Variants in SNX29 observed in about 807,000 individuals in gnomAD.
SNX29 encodes sorting nexin-29.
Under a neutral mutation model 102.1 loss-of-function variants are expected in SNX29, and 78 were observed. That is an observed-to-expected ratio of 0.76 (90% confidence interval 0.64 to 0.92). SNX29 has a LOEUF of 0.92. Among genes scored for constraint, SNX29 ranks in the 40% least tolerant of loss-of-function variants. The pLI, the probability that SNX29 is intolerant of heterozygous loss-of-function variation, is 0.00. For missense variants in SNX29, 1,280 were observed against 1,061.7 expected, an observed-to-expected ratio of 1.21 and a Z score of -2.86; for synonymous variants, 580 against 414.5, an observed-to-expected ratio of 1.40 and a Z score of -4.85.
intron 15 of SNX29, among the ~76,000 whole-genome samples, chr16:12,304,400 G>A (rs895804394): frequency 1.3e-5 from 2 of 152,204 alleles, no homozygotes; most frequent in Non-Finnish European, 2.9e-5. Context: ...AGCCTCCTGA[G>A]TAGTTGGGAC....
chr16:12,013,500 A>AAAATATATATATATATATATATATATAT, intron 3 of SNX29, among the ~76,000 whole-genome samples: 1 of 31,634 alleles, frequency 3.2e-5, no homozygotes, highest in Non-Finnish European at 6.1e-5. Context: ...AAAAAAAAAA[A>AAAATATATATATATATATATATATATAT]ATATATATAT....
At position 12,574,157 on chromosome 16, in the gene SNX29, A is replaced by G; in HGVS notation, c.*5528A>G. 5.5e-6 allele frequency: 1 copy of G among 181,426 alleles called. No individual in the cohort carries two copies. The highest frequency in any genetic ancestry group is 1.2e-5 in the Non-Finnish European group (1 of 84,982). 11.2% of individuals were successfully genotyped at this position (181,426 alleles called of 1,614,324 possible). Reference sequence around the variant, plus strand: ...ATAGGATTTTTAAACAAATGTGTTTAATTTTTTAAGATCTCTTGTATTAAA... The same window carrying G: ...ATAGGATTTTTAAACAAATGTGTTTGATTTTTTAAGATCTCTTGTATTAAA... On this transcript the variant is annotated 3_prime_UTR_variant, in exon 21 of 21. Transcript: ENST00000566228.
chr16:12,557,667 A>C (rs547260872), intron 20 of SNX29: 1 of 152,246 alleles, frequency 6.6e-6, no homozygotes, highest in South Asian at 2.1e-4. Flanking sequence ...CAGCCCAAAA[A>C]ATCTTTTTGA....
intron 14 of SNX29, among the ~76,000 whole-genome samples, chr16:12,236,580 C>T (rs2077941170): frequency 6.6e-6 from 1 of 152,190 alleles, no homozygotes; most frequent in Admixed American, 6.5e-5. Flanking sequence ...CTCTGTGGGT[C>T]CATTGAATGC....
At chr16:12,328,887 G>A (rs79325632) in intron 15 of SNX29, among the ~76,000 whole-genome samples, 84 of 152,168 alleles carry the variant, frequency 5.5e-4, no homozygotes, top group Non-Finnish European at 9.9e-4. Context: ...GAGCTGAAGC[G>A]ATGTGATGTC....
intron 20 of SNX29, among the ~76,000 whole-genome samples, chr16:12,542,603 A>G (rs2077392223): frequency 6.6e-6 from 1 of 152,178 alleles, no homozygotes; most frequent in Non-Finnish European, 1.5e-5. Context: ...AAGTGCTGGG[A>G]TTACAGGCGT....
At chr16:12,418,578 G>A (rs1341139534) in intron 18 of SNX29, among the ~76,000 whole-genome samples, 2 of 151,594 alleles carry the variant, frequency 1.3e-5, no homozygotes, top group African/African-American at 4.8e-5. Flanking sequence ...GCGGTGGCAC[G>A]ATCTTGGCTC....
At chr16:12,418,930 G>A (rs1255813921) in intron 18 of SNX29, among the ~76,000 whole-genome samples, 1 of 152,198 alleles carries the variant, frequency 6.6e-6, no homozygotes, top group African/African-American at 2.4e-5. Flanking sequence ...AGGAGCGGCA[G>A]TTATACATCT....
rs74207592 is a variant in SNX29 at position 12,444,252 on chromosome 16, G to T, written c.2038-33467G>T. Among the ~76,000 whole-genome samples, 119 of 29,940 alleles carry T rather than the reference G, an allele frequency of 4.0e-3. 2 individuals carry two copies. The highest frequency in any genetic ancestry group is 0.02 in the African/African-American group (110 of 5,386). 19.6% of individuals were successfully genotyped at this position (29,940 alleles called of 152,430 possible). On this transcript the variant is annotated intron_variant, in intron 18 of 20. Coordinates refer to ENST00000566228, the MANE Select transcript of SNX29 (RefSeq NM_032167.5). The stretch of plus-strand genomic sequence containing the variant: ...TGTGGTAAGCACTCAATATAGCACC[G>T]AGCACGTAGTAAGCACTCAGTATAG...
At chr16:12,416,057 C>T (rs759720532) in intron 18 of SNX29, among the ~76,000 whole-genome samples, 2 of 152,114 alleles carry the variant, frequency 1.3e-5, no homozygotes, top group African/African-American at 4.8e-5. Flanking sequence ...TGAGGATGGC[C>T]GCCTGGCTTG....
chr16:12,457,190 A>G (rs1469153661), intron 18 of SNX29, among the ~76,000 whole-genome samples: 4 of 152,266 alleles, frequency 2.6e-5, no homozygotes, highest in African/African-American at 7.2e-5. Flanking sequence ...TAACAGTACA[A>G]TAAACACCGG....
chr16:12,328,202 G>C (rs1399321915), intron 15 of SNX29, among the ~76,000 whole-genome samples: 1 of 152,196 alleles, frequency 6.6e-6, no homozygotes. Context: ...AACTCTAGTT[G>C]TTCTTTTATC....
chr16:12,163,772 T>C (rs2055894159), intron 13 of SNX29, among the ~76,000 whole-genome samples: 2 of 152,158 alleles, frequency 1.3e-5, no homozygotes, highest in South Asian at 4.1e-4. Flanking sequence ...CATCCTGCGG[T>C]CTCTGTTGGA....
chr16:12,570,864 C>T lies in SNX29; in HGVS notation c.*2235C>T, dbSNP rs373353831. The T allele has an allele frequency of 4.7e-5, 11 of 231,926 alleles. No homozygotes were observed. Among genetic ancestry groups the T allele is most frequent in the Non-Finnish European group, 7.7e-5 (9 of 117,372 alleles). The allele number at this position is 231,926 out of a possible 1,614,324, so 14.4% of individuals were successfully genotyped here. The stretch of plus-strand genomic sequence containing the variant: ...GTATTGAACTGGTGGGAGAAACTGC[C>T]TCCTACTTTTATAATACTGAATTAT... On this transcript the variant is annotated 3_prime_UTR_variant, in exon 21 of 21. Transcript: ENST00000566228.
chr16:12,073,205 T>C (rs2051379973), intron 10 of SNX29, among the ~76,000 whole-genome samples: 1 of 152,224 alleles, frequency 6.6e-6, no homozygotes, highest in African/African-American at 2.4e-5. Flanking sequence ...TCTTGCCTTC[T>C]GCTAGCTTTT....
chr16:12,549,130 G>A (rs888607825), intron 20 of SNX29, among the ~76,000 whole-genome samples: 3 of 152,160 alleles, frequency 2.0e-5, no homozygotes, highest in South Asian at 2.1e-4. Context: ...GGAAAATTCT[G>A]GGGTAGTTTT....
intron 20 of SNX29, among the ~76,000 whole-genome samples, chr16:12,564,749 CTGCTTCTTGGTGATTGGCTTTATGAT>C (rs2078921178): frequency 1.3e-5 from 2 of 152,030 alleles, no homozygotes; most frequent in South Asian, 4.1e-4. Flanking sequence ...TAACAACTGT[CTGCTTCTTGGTGATTGGCTTTATGAT>C]TGCAGCCAGC....
intron 15 of SNX29, among the ~76,000 whole-genome samples, chr16:12,281,518 A>G (rs2151025150): frequency 6.6e-6 from 1 of 152,328 alleles, no homozygotes; most frequent in South Asian, 2.1e-4. Context: ...TCAGGAAAAC[A>G]AGGAGGACAG....
chr16:12,141,561 A>T (rs1308574201), intron 13 of SNX29, among the ~76,000 whole-genome samples: 1 of 152,258 alleles, frequency 6.6e-6, no homozygotes, highest in Non-Finnish European at 1.5e-5. Context: ...TTATATGCTA[A>T]ACAAAAGGCA....
Sources: allele counts gnomAD v4.1 joint callset (sites outside exome capture counted in the v4.1 genomes callset), GRCh38; gene constraint gnomAD v4.1.1; transcripts MANE v1.5; gene names NCBI Gene and HGNC (gene_info 2026-07-23, HGNC 2026-07-21).